The following ARHGEF26 variants were observed in gnomAD, a reference collection of about 807,000 sequenced individuals.
The protein encoded by ARHGEF26 is Rho guanine nucleotide exchange factor (GEF) 26.
ARHGEF26 carries 59 observed loss-of-function variants against 89.4 expected under a neutral mutation model. That is an observed-to-expected ratio of 0.66 (90% CI 0.54 to 0.82). The LOEUF (loss-of-function observed/expected upper bound fraction) is 0.82, where lower values mean the gene tolerates loss of function less well. ARHGEF26 is among the 40% of genes least tolerant of loss of function. The pLI is 0.00. For missense variants in ARHGEF26, 1,234 were observed against 1,085.6 expected, an observed-to-expected ratio of 1.14 and a Z score of -1.92; for synonymous variants, 500 against 428.4, an observed-to-expected ratio of 1.17 and a Z score of -2.06.
At chr3:154,171,266 C>A (rs915844933) in intron 6 of ARHGEF26, among the ~76,000 whole-genome samples, 3 of 152,102 alleles carry the variant, frequency 2.0e-5, no homozygotes, top group African/African-American at 4.8e-5. Flanking sequence ...TTCTTATATA[C>A]CCCCTGATGC....
intron 4 of ARHGEF26, among the ~76,000 whole-genome samples, chr3:154,135,539 T>C (rs1055466728): frequency 5.3e-5 from 8 of 152,176 alleles, no homozygotes; most frequent in African/African-American, 1.9e-4. Flanking sequence ...TTTTGACCCC[T>C]GGAGATTATC....
intron 6 of ARHGEF26, among the ~76,000 whole-genome samples, chr3:154,171,881 C>G (rs1273889997): frequency 6.6e-6 from 1 of 152,112 alleles, no homozygotes; most frequent in Non-Finnish European, 1.5e-5. Context: ...TGGGGGAGGA[C>G]TGGCCAAGAA....
chr3:154,151,804 A>C (rs1720039144), intron 5 of ARHGEF26, among the ~76,000 whole-genome samples: 1 of 152,220 alleles, frequency 6.6e-6, no homozygotes, highest in South Asian at 2.1e-4. Context: ...TCCTGCTCCC[A>C]CCCAGCCACA....
chr3:154,225,301 C>T (rs1483407248), intron 10 of ARHGEF26, among the ~76,000 whole-genome samples: 1 of 152,078 alleles, frequency 6.6e-6, no homozygotes, highest in Admixed American at 6.5e-5. Flanking sequence ...ATCTTAAGAA[C>T]AGGTGTTCTC....
At chr3:154,225,410 C>G (rs1254996656) in intron 10 of ARHGEF26, among the ~76,000 whole-genome samples, 1 of 151,884 alleles carries the variant, frequency 6.6e-6, no homozygotes, top group Non-Finnish European at 1.5e-5. Context: ...TAAATGTAGA[C>G]TTTTATATTT....
intron 8 of ARHGEF26, among the ~76,000 whole-genome samples, chr3:154,192,807 T>C (rs1714033414): frequency 6.6e-6 from 1 of 152,214 alleles, no homozygotes; most frequent in Admixed American, 6.5e-5. Context: ...GGTTTTCTTC[T>C]TCTGAAAATG....
chr3:154,219,447 T>C (rs570474613), intron 10 of ARHGEF26, among the ~76,000 whole-genome samples: 66 of 151,950 alleles, frequency 4.3e-4, no homozygotes, highest in Non-Finnish European at 5.1e-4. Flanking sequence ...ATACAAAAAT[T>C]AGCCGGGTGT....
chr3:154,255,315 C>T lies in ARHGEF26; in HGVS notation c.2474-16C>T. ...AAATACTTGTTGTTTGGTGTGGACTCTGTTCTTTTTCACAGGCTGGTATGA... is the reference window on the plus strand; with the variant it reads ...AAATACTTGTTGTTTGGTGTGGACTTTGTTCTTTTTCACAGGCTGGTATGA... On this transcript the variant is annotated splice_polypyrimidine_tract_variant and intron_variant, in intron 14 of 14. Coordinates refer to ENST00000465093, the MANE Select transcript of ARHGEF26 (RefSeq NM_015595.4). 1 of 1,609,408 alleles carries T rather than the reference C, an allele frequency of 6.2e-7. No homozygotes were observed. The highest frequency in any genetic ancestry group is 8.5e-7 in the Non-Finnish European group (1 of 1,177,544).
chr3:154,203,466 T>C (rs1436198627), intron 9 of ARHGEF26, among the ~76,000 whole-genome samples: 1 of 152,182 alleles, frequency 6.6e-6, no homozygotes, highest in South Asian at 2.1e-4. Context: ...CAAATTTGGA[T>C]GGTGTTTATA....
At chr3:154,200,369 T>C (rs1304124863) in intron 9 of ARHGEF26, among the ~76,000 whole-genome samples, 1 of 152,138 alleles carries the variant, frequency 6.6e-6, no homozygotes, top group East Asian at 1.9e-4. Flanking sequence ...GAGTTCACTG[T>C]AGGTGTGTGG....
At chr3:154,232,439 A>C (rs1421824969) in intron 11 of ARHGEF26, among the ~76,000 whole-genome samples, 1 of 152,186 alleles carries the variant, frequency 6.6e-6, no homozygotes, top group Non-Finnish European at 1.5e-5. Flanking sequence ...GCCTATTTGA[A>C]ATCAGTTTCT....
Position 154,255,577 on chromosome 3 carries a change from A to G in ARHGEF26, c.*104A>G, listed in dbSNP as rs2108309671. Reference sequence around the variant, plus strand: ...TAATTTTGTCACAGCCTATTTAATTAAAAGAACGAAAACACTTGCCTTTAA... The same window carrying G: ...TAATTTTGTCACAGCCTATTTAATTGAAAGAACGAAAACACTTGCCTTTAA... On this transcript the variant is annotated 3_prime_UTR_variant, in exon 15 of 15. Coordinates refer to ENST00000465093, the MANE Select transcript of ARHGEF26 (RefSeq NM_015595.4). The G allele has an allele frequency of 1.4e-6, 2 of 1,476,224 alleles. No homozygotes were observed. Among genetic ancestry groups the G allele is most frequent in the African/African-American group, 2.8e-5 (2 of 70,710 alleles). 91.4% of individuals were successfully genotyped at this position (1,476,224 alleles called of 1,614,324 possible).
chr3:154,129,134 CATG>C (rs1476186132), intron 3 of ARHGEF26, among the ~76,000 whole-genome samples: 1 of 152,096 alleles, frequency 6.6e-6, no homozygotes, highest in Non-Finnish European at 1.5e-5. Context: ...CATGAGAGCT[CATG>C]AGGCATCAGA....
rs755870631 is a variant in ARHGEF26, at chr3:154,162,897, C to T, written c.1487+9965C>T. On this transcript the variant is annotated intron_variant, in intron 6 of 14. Coordinates refer to ENST00000465093, the MANE Select transcript of ARHGEF26 (RefSeq NM_015595.4). ...TATATATGATAATCATACAAATGCACTATAATAAACGATGCTTTTAGAAAG... is the reference window on the plus strand; with the variant it reads ...TATATATGATAATCATACAAATGCATTATAATAAACGATGCTTTTAGAAAG... 4.6e-5 allele frequency among the ~76,000 whole-genome samples: 7 copies of T among 152,218 alleles called. 1 individual carries two copies. The South Asian group carries it at 1.5e-3, about 32-fold the overall frequency.
At chr3:154,177,966 G>A (rs146249407) in intron 6 of ARHGEF26, among the ~76,000 whole-genome samples, 2 of 152,280 alleles carry the variant, frequency 1.3e-5, no homozygotes, top group South Asian at 2.1e-4. Flanking sequence ...AGCACTTTGG[G>A]AGGCCGAGGC....
intron 9 of ARHGEF26, among the ~76,000 whole-genome samples, chr3:154,216,492 ATTTTTTTTTATTTTTTAT>A (rs1715741434): frequency 7.8e-6 from 1 of 129,012 alleles, no homozygotes; most frequent in African/African-American, 2.9e-5. Context: ...TTTTTTTTTT[ATTTTTTTTTATTTTTTAT>A]TTTTTTTTTA....
chr3:154,254,105 C>T (rs1477281463), intron 13 of ARHGEF26, among the ~76,000 whole-genome samples: 1 of 152,046 alleles, frequency 6.6e-6, no homozygotes, highest in Non-Finnish European at 1.5e-5. Flanking sequence ...TTAGTAGAGA[C>T]GGGGTTTCAC....
At chr3:154,202,262 T>C (rs1217657056) in intron 9 of ARHGEF26, among the ~76,000 whole-genome samples, 1 of 152,154 alleles carries the variant, frequency 6.6e-6, no homozygotes, top group East Asian at 1.9e-4. Flanking sequence ...TAAATAGGGA[T>C]TCCTTTCCCT....
intron 4 of ARHGEF26, among the ~76,000 whole-genome samples, chr3:154,143,267 TAGA>T (rs1281647111): frequency 6.6e-6 from 1 of 152,226 alleles, no homozygotes; most frequent in Non-Finnish European, 1.5e-5. Flanking sequence ...TAAAAATATA[TAGA>T]AGGATTGTCT....
Sources: gnomAD v4.1 joint callset for allele counts (sites outside exome capture counted in the v4.1 genomes callset) on GRCh38, gnomAD v4.1.1 for gene constraint, MANE v1.5 for transcripts, NCBI Gene and HGNC (gene_info 2026-07-23, HGNC 2026-07-21) for gene names.